The following GCNT2 variants were observed in gnomAD, a reference collection of about 807,000 sequenced individuals.
The protein encoded by GCNT2 is glucosaminyl (N-acetyl) transferase 2 (I blood group).
Under a neutral mutation model 34.2 loss-of-function variants are expected in GCNT2, and 34 were observed. That is an observed-to-expected ratio of 1.00 (90% CI 0.76 to 1.32). GCNT2 has a LOEUF of 1.32. GCNT2 is among the 40% of genes most tolerant of loss of function. The pLI, the probability that GCNT2 is intolerant of heterozygous loss-of-function variation, is 0.00. For missense variants in GCNT2, 584 were observed against 489.4 expected, an observed-to-expected ratio of 1.19 and a Z score of -1.82; for synonymous variants, 212 against 188.0, an observed-to-expected ratio of 1.13 and a Z score of -1.04.
At chr6:10,589,719 T>A (rs879342731) in intron 3 of GCNT2, among the ~76,000 whole-genome samples, 8 of 152,170 alleles carry the variant, frequency 5.3e-5, no homozygotes, top group Non-Finnish European at 1.2e-4. Flanking sequence ...TCCTTGTACA[T>A]CTTTCCAGAG....
intron 3 of GCNT2, among the ~76,000 whole-genome samples, chr6:10,579,837 A>AC (rs1763989050): frequency 1.3e-5 from 2 of 150,326 alleles, no homozygotes; most frequent in Non-Finnish European, 1.5e-5. Context: ...AAAAAAAAAA[A>AC]AAAAAAAAAA....
intron 3 of GCNT2, among the ~76,000 whole-genome samples, chr6:10,572,978 A>C (rs552345881): frequency 6.6e-6 from 1 of 152,330 alleles, no homozygotes; most frequent in South Asian, 2.1e-4. Context: ...AACTCAGGCA[A>C]ATGGCCGGCT....
rs376945079 is a variant in GCNT2 at position 10,626,019 on chromosome 6, T to A, written c.1019-398T>A. ...ATATCTTAATATTTTTGGATCGTGG[T>A]TGACTTCGGGTAGCTGAAACCTCAG... On this transcript the variant is annotated intron_variant, in intron 4 of 4. Coordinates refer to ENST00000495262, the MANE Select transcript of GCNT2 (RefSeq NM_145649.5). Among the ~76,000 whole-genome samples, 14 of 152,320 alleles carry A rather than the reference T, an allele frequency of 9.2e-5. No homozygotes were observed. The East Asian group carries it at 2.3e-3, about 25-fold the overall frequency.
intron 3 of GCNT2, among the ~76,000 whole-genome samples, chr6:10,621,061 A>G: frequency 6.6e-6 from 1 of 152,164 alleles, no homozygotes; most frequent in African/African-American, 2.4e-5. Flanking sequence ...CCCACCCCTC[A>G]ACCGAATTAG....
intron 1 of GCNT2, among the ~76,000 whole-genome samples, chr6:10,525,796 C>G (rs918374841): frequency 2.6e-5 from 4 of 152,092 alleles, no homozygotes; most frequent in African/African-American, 9.7e-5. Context: ...GCACAAAATA[C>G]AAGTGTTCGT....
At chr6:10,521,614 TTGAA>T in intron 1 of GCNT2, 197 bp downstream of exon 1, 1 of 152,210 alleles carries the variant, frequency 6.6e-6, no homozygotes, top group South Asian at 2.1e-4. Flanking sequence ...CCAAAAAATG[TTGAA>T]TGAGTCATTT....
chr6:10,565,482 C>T (rs1763234525), intron 3 of GCNT2, among the ~76,000 whole-genome samples: 1 of 152,152 alleles, frequency 6.6e-6, no homozygotes, highest in Non-Finnish European at 1.5e-5. Flanking sequence ...TTCCCACGAC[C>T]AGCTATCACC....
intron 3 of GCNT2, among the ~76,000 whole-genome samples, chr6:10,537,698 CAAAAAAAAAAAAA>C (rs201257236): frequency 0.56 from 47,909 of 84,992 alleles, 9,665 homozygotes; most frequent in South Asian, 0.69. Context: ...GATTCTGCCG[CAAAAAAAAAAAAA>C]AAAAAAAAAA....
At chr6:10,619,802 A>G (rs1765954886) in intron 3 of GCNT2, among the ~76,000 whole-genome samples, 1 of 152,340 alleles carries the variant, frequency 6.6e-6, no homozygotes, top group East Asian at 1.9e-4. Context: ...AAATCCAGGC[A>G]TTGGCTGGGT....
intron 3 of GCNT2, among the ~76,000 whole-genome samples, chr6:10,540,485 C>T (rs1042413842): frequency 2.6e-5 from 4 of 152,178 alleles, no homozygotes; most frequent in African/African-American, 7.2e-5. Flanking sequence ...TCTTGCAGCA[C>T]CTCTTCCATT....
intron 3 of GCNT2, among the ~76,000 whole-genome samples, chr6:10,564,108 G>A (rs1339070869): frequency 6.6e-6 from 1 of 152,142 alleles, no homozygotes; most frequent in African/African-American, 2.4e-5. Flanking sequence ...GAGCAGAGGT[G>A]CAGGAAAGAT....
chr6:10,607,589 T>C (rs1183492493), intron 3 of GCNT2, among the ~76,000 whole-genome samples: 10 of 152,136 alleles, frequency 6.6e-5, no homozygotes, highest in African/African-American at 2.4e-4. Context: ...CAGTATGTCA[T>C]GGCTTTCCAT....
At chr6:10,523,533 C>T (rs1329021820) in intron 1 of GCNT2, among the ~76,000 whole-genome samples, 2 of 152,064 alleles carry the variant, frequency 1.3e-5, no homozygotes, top group African/African-American at 2.4e-5. Context: ...ATTTCCCCCT[C>T]GTAGCCTCTT....
intron 3 of GCNT2, among the ~76,000 whole-genome samples, chr6:10,554,067 A>G (rs1762591002): frequency 6.6e-6 from 1 of 152,218 alleles, no homozygotes; most frequent in South Asian, 2.1e-4. Context: ...ATGGCTGGCT[A>G]GTGTCAACTT....
chr6:10,601,743 C>T (rs1352738482), intron 3 of GCNT2, among the ~76,000 whole-genome samples: 1 of 152,032 alleles, frequency 6.6e-6, no homozygotes, highest in Non-Finnish European at 1.5e-5. Context: ...AATTCAAGAC[C>T]AGCCTGGCCA....
intron 3 of GCNT2, among the ~76,000 whole-genome samples, chr6:10,574,490 A>C (rs1268939479): frequency 6.6e-6 from 1 of 152,208 alleles, no homozygotes; most frequent in East Asian, 1.9e-4. Flanking sequence ...GGGTAGAAGG[A>C]TGCTCAACAT....
chr6:10,545,018 CAATTT>C (rs1322954331), intron 3 of GCNT2, among the ~76,000 whole-genome samples: 7 of 151,924 alleles, frequency 4.6e-5, no homozygotes, highest in African/African-American at 1.7e-4. Context: ...ATAAATAAAG[CAATTT>C]AATTTAATCC....
At chr6:10,567,596 G>A (rs993528275) in intron 3 of GCNT2, among the ~76,000 whole-genome samples, 5 of 152,176 alleles carry the variant, frequency 3.3e-5, no homozygotes, top group Admixed American at 1.3e-4. Flanking sequence ...CTCTGTGTAA[G>A]ATGTATAGCT....
intron 3 of GCNT2, chr6:10,555,691 C>G: frequency 2.0e-6 from 2 of 979,122 alleles, no homozygotes; most frequent in Non-Finnish European, 2.4e-6. Context: ...AATTTCAGAC[C>G]CCCTGGGACA....
Sources: allele counts gnomAD v4.1 joint callset (sites outside exome capture counted in the v4.1 genomes callset), GRCh38; gene constraint gnomAD v4.1.1; transcripts MANE v1.5; gene names NCBI Gene and HGNC (gene_info 2026-07-23, HGNC 2026-07-21).